POMT1: variants seen among roughly 807,000 people sequenced by gnomAD.
POMT1 encodes protein O-mannosyl-transferase 1.
Under a neutral mutation model 101.6 loss-of-function variants are expected in POMT1, and 85 were observed. The observed-to-expected ratio is 0.84, with a 90% CI of 0.70 to 1.00. The LOEUF is 1.00. Ranked by LOEUF, POMT1 falls within the 50% of genes least tolerant of loss-of-function variation. The pLI is 0.00. For synonymous variants in POMT1, 371 were observed against 383.0 expected, an observed-to-expected ratio of 0.97 and a Z score of 0.37; for missense variants, 857 against 930.4, an observed-to-expected ratio of 0.92 and a Z score of 1.03.
chr9:131,518,288 G>A, intron 13 of POMT1, 157 bp from the exon 14 acceptor site: 1 of 790,782 alleles, frequency 1.3e-6, no homozygotes, highest in East Asian at 2.5e-5. Context: ...CATTGGGAAG[G>A]AAGGCCAGTA....
intron 5 of POMT1, 128 bp from the exon 6 acceptor site, chr9:131,508,783 T>C: frequency 1.4e-6 from 1 of 712,762 alleles, no homozygotes; most frequent in Non-Finnish European, 2.5e-6. Flanking sequence ...TAGAATGTTT[T>C]AACATTCACA....
intron 14 of POMT1, 131 bp from the exon 15 acceptor site, chr9:131,518,706 C>A (rs1201017459): frequency 3.3e-6 from 5 of 1,502,316 alleles, no homozygotes; most frequent in African/African-American, 1.4e-5. Context: ...AGGATGGAAT[C>A]CCAATGTGAA....
rs747103710 is a variant in POMT1, at chr9:131,520,853, GAA to G, written c.1699-491_1699-490del. Among the ~76,000 whole-genome samples the G allele has an allele frequency of 1.2e-4, 18 of 152,300 alleles. 1 individual carries two copies. The East Asian group carries it at 1.5e-3, about 13-fold the overall frequency. On this transcript the variant is annotated intron_variant, in intron 17 of 19. Transcript: ENST00000402686. ...TGTGTGTGTGTGTGTATGTGAGAGA[GAA>G]AGAGAGAGACGGAGTCTTGCTCTGT... is the stretch of plus-strand genomic sequence containing the variant.
chr9:131,511,698 C>T, intron 10 of POMT1: 1 of 602,016 alleles, frequency 1.7e-6, no homozygotes, highest in South Asian at 2.0e-5. Flanking sequence ...TGGCTGACCT[C>T]AGCACTGCCT....
chr9:131,509,349 C>G (rs1356862591), intron 6 of POMT1, among the ~76,000 whole-genome samples: 1 of 152,096 alleles, frequency 6.6e-6, no homozygotes, highest in Non-Finnish European at 1.5e-5. Flanking sequence ...CGGGGTTTCA[C>G]CATATTGGCC....
At position 131,503,587 on chromosome 9, in the gene POMT1, GCAGC is replaced by G. The variant is rs1945056558; in HGVS notation, c.-31+516_-31+519del. 6.6e-6 allele frequency among the ~76,000 whole-genome samples: 1 copy of G among 152,242 alleles called. No homozygotes were observed. Among genetic ancestry groups the G allele is most frequent in the Non-Finnish European group, 1.5e-5 (1 of 68,040 alleles). Reference sequence around the variant, plus strand: ...TGAGACAGGGTGTCCCAGGCCTGATGCAGCCTCAAGAGAAGCGGAGCTCAAGGGA... The same window carrying G: ...TGAGACAGGGTGTCCCAGGCCTGATGCTCAAGAGAAGCGGAGCTCAAGGGA... On this transcript the variant is annotated intron_variant, in intron 1 of 19. Coordinates refer to ENST00000402686, the MANE Select transcript of POMT1 (RefSeq NM_001077365.2). This position sits in a 1 kb window ranked among gnomAD's most constrained non-coding sequence, Gnocchi z 4.4.
Position 131,518,496 on chromosome 9 carries a change from G to A in POMT1, c.1324G>A (p.Glu442Lys). Residue 442 changes from glutamate to lysine, a missense_variant, in exon 14 of 20, where the codon GAG (glutamate) becomes AAG (lysine). Glu to Lys is a moderately conservative substitution (Grantham distance 56). Transcript: ENST00000402686. ...AGACGTCTGGAAGACCATCCTCTCA[G>A]AGGTCCGCTTTGTGCACGTGAACAC... is the stretch of plus-strand genomic sequence containing the variant. The part of the protein sequence containing the change: ...DTDVWKTILS[E>K]VRFVHVNTSA... The A allele has an allele frequency of 1.2e-6, 2 of 1,613,986 alleles. No individual in the cohort carries two copies. Among genetic ancestry groups the A allele is most frequent in the Non-Finnish European group, 1.7e-6 (2 of 1,180,026 alleles).
rs760883888 is a variant in POMT1 at position 131,519,324 on chromosome 9, GCTT to G, written c.1487-62_1487-60del. 2.5e-4 allele frequency: 364 copies of G among 1,479,938 alleles called. 1 individual carries two copies. The highest frequency in any genetic ancestry group is 5.1e-4 in the Middle Eastern group (3 of 5,882). 91.7% of individuals were successfully genotyped at this position (1,479,938 alleles called of 1,614,324 possible). ...AAGCCAGCTTTTTGCTGCACTGACA[GCTT>G]CTGCTCTGAGCTCTTGACCTTGTGC... On this transcript the variant is annotated intron_variant, in intron 15 of 19. Transcript: ENST00000402686. This position sits in a 1 kb window ranked among gnomAD's most constrained non-coding sequence, Gnocchi z 4.3.
At chr9:131,518,275 G>A (rs1949155782) in intron 13 of POMT1, 170 bp from the exon 14 acceptor site, 1 of 762,718 alleles carries the variant, frequency 1.3e-6, no homozygotes, top group Non-Finnish European at 2.4e-6. Flanking sequence ...GGGGTGCTGT[G>A]GGCATTGGGA....
chr9:131,518,930 A>G lies in POMT1; in HGVS notation c.1459A>G (p.Asn487Asp). The change falls in exon 15 of 20, where the codon AAC (asparagine) becomes GAC (aspartate). Residue 487 changes from asparagine (N) to aspartate (D), a missense_variant. Coordinates refer to ENST00000402686, the MANE Select transcript of POMT1 (RefSeq NM_001077365.2). ...GGGCTACCACGGGAGCACGGTGTGG[A>G]ACGTGGAGGAGCACCGATACGGCGC... ...SRGYHGSTVW[N>D]VEEHRYGASQ... 1.2e-6 allele frequency: 2 copies of G among 1,613,698 alleles called. No individual in the cohort carries two copies. The highest frequency in any genetic ancestry group is 1.7e-6 in the Non-Finnish European group (2 of 1,180,028).
chr9:131,512,611 TTTC>T (rs898397457), intron 11 of POMT1, among the ~76,000 whole-genome samples: 14 of 152,110 alleles, frequency 9.2e-5, no homozygotes, highest in African/African-American at 3.1e-4. Flanking sequence ...TTTTCTTTTT[TTTC>T]TTCTTATTTT....
rs1554770656 is a variant in POMT1, at chr9:131,504,747, A to ATGTG, written c.122+411_122+414dup. 6.7e-4 allele frequency among the ~76,000 whole-genome samples: 82 copies of ATGTG among 122,768 alleles called. 2 individuals are homozygous for ATGTG. Among genetic ancestry groups the ATGTG allele is most frequent in the Middle Eastern group, 7.9e-3 (2 of 254 alleles). 80.5% of individuals were successfully genotyped at this position (122,768 alleles called of 152,430 possible). A position where few individuals can be genotyped will look rare whatever the true frequency, so the allele number is the denominator to read the frequency against. ...TGAAGGGCTCTTTATTAACTGATTA[A>ATGTG]TGTGTGTATGTGTGTGTGTGTGTGT... On this transcript the variant is annotated intron_variant, in intron 2 of 19. Transcript: ENST00000402686.
At position 131,506,392 on chromosome 9, in the gene POMT1, T is replaced by G; in HGVS notation, c.230-11T>G. The G allele has an allele frequency of 6.2e-7, 1 of 1,611,278 alleles. No individual in the cohort carries two copies. The highest frequency in any genetic ancestry group is 8.5e-7 in the Non-Finnish European group (1 of 1,177,368). On this transcript the variant is annotated splice_polypyrimidine_tract_variant and intron_variant, in intron 3 of 19. Coordinates refer to ENST00000402686, the MANE Select transcript of POMT1 (RefSeq NM_001077365.2). ...TGAATGGGATAGTTACTGATTAATCTTCTGTTTCAGGTTATTTAGGAGGAT... is the reference window on the plus strand; with the variant it reads ...TGAATGGGATAGTTACTGATTAATCGTCTGTTTCAGGTTATTTAGGAGGAT...
intron 18 of POMT1, 137 bp from the exon 19 acceptor site, chr9:131,521,910 G>A: frequency 6.6e-7 from 1 of 1,513,272 alleles, no homozygotes; most frequent in Non-Finnish European, 8.9e-7. Context: ...GCCAAAGTGA[G>A]GGAGTCACCT....
intron 12 of POMT1, 62 bp from the exon 13 acceptor site, chr9:131,515,364 T>G: frequency 6.6e-7 from 1 of 1,518,474 alleles, no homozygotes; most frequent in Non-Finnish European, 9.2e-7. Context: ...CCTGAAAGAT[T>G]TAGTAATTGC....
chr9:131,512,003 G>T, intron 10 of POMT1, 38 bp from the exon 11 acceptor site: 3 of 1,611,306 alleles, frequency 1.9e-6, no homozygotes, highest in South Asian at 1.1e-5. Flanking sequence ...GAGCCACCGC[G>T]CCTGGCCCAG....
chr9:131,507,462 G>T lies in POMT1; in HGVS notation c.375G>T (p.Glu125Asp). 2.5e-6 allele frequency: 4 copies of T among 1,614,196 alleles called. No individual in the cohort carries two copies. Among genetic ancestry groups the T allele is most frequent in the African/African-American group, 1.3e-5 (1 of 75,034 alleles). The change falls in exon 5 of 20, where the codon GAG becomes GAT. Residue 125 changes from glutamate to aspartate, a missense_variant. Transcript: ENST00000402686. The part of the protein sequence containing the change: ...SVPMAYQIVL[E>D]LHFSHCAAMG... The stretch of plus-strand genomic sequence containing the variant: ...CCATGGCCTACCAGATAGTGTTGGA[G>T]CTCCACTTTTCTCATTGTGCCGCCA...
At chr9:131,518,222 C>T (rs894313966) in intron 13 of POMT1, 9 of 645,114 alleles carry the variant, frequency 1.4e-5, no homozygotes, top group South Asian at 1.1e-4. Flanking sequence ...ACGGCCTTGG[C>T]GAGGAGGAGG....
intron 14 of POMT1, 28 bp downstream of exon 14, chr9:131,518,565 GTCC>G: frequency 6.3e-7 from 1 of 1,582,948 alleles, no homozygotes; most frequent in Non-Finnish European, 8.7e-7. Flanking sequence ...GGCTTGGCCT[GTCC>G]TGAGCTGTGG....
Sources: gnomAD v4.1 joint callset for allele counts (sites outside exome capture counted in the v4.1 genomes callset) on GRCh38, gnomAD v4.1.1 for gene constraint, Gnocchi (gnomAD v3.1) non-coding constraint, MANE v1.5 for transcripts, NCBI Gene and HGNC (gene_info 2026-07-23, HGNC 2026-07-21) for gene names.